The following CACNA1D variants were observed in gnomAD, a reference collection of about 807,000 sequenced individuals.
The protein encoded by CACNA1D is voltage-dependent L-type calcium channel subunit alpha-1D.
In CACNA1D, 55 loss-of-function variants were observed where a neutral mutation model predicts 257.1. The ratio of observed to expected loss-of-function variants is 0.21; its 90% CI spans 0.17 to 0.27. The LOEUF (loss-of-function observed/expected upper bound fraction) is 0.27. CACNA1D is among the 10% of genes least tolerant of loss of function. The probability of loss-of-function intolerance (pLI) is 1.00; values close to 1 mark genes in which losing one functional copy is unlikely to be tolerated. For missense variants in CACNA1D, 1,876 were observed against 2,784.0 expected, an observed-to-expected ratio of 0.67 and a Z score of 7.34; for synonymous variants, 980 against 1,014.9, an observed-to-expected ratio of 0.97 and a Z score of 0.65.
At chr3:53,798,338 CGTGT>C (rs59321196) in intron 40 of CACNA1D, among the ~76,000 whole-genome samples, 9 of 141,724 alleles carry the variant, frequency 6.4e-5, no homozygotes, top group Admixed American at 3.6e-4. Flanking sequence ...CGTGTGTGTG[CGTGT>C]GTGTGTGCAC....
intron 15 of CACNA1D, among the ~76,000 whole-genome samples, 182 bp from the exon 16 acceptor site, chr3:53,730,245 CTTTTGTTTTGTTTTG>C (rs139366806): frequency 1.6e-3 from 239 of 151,288 alleles, no homozygotes; most frequent in Non-Finnish European, 2.3e-3. Context: ...CAGGTTTTTA[CTTTTGTTTTGTTTTG>C]TTTTGTTTTG....
rs1185702220 is a variant in CACNA1D at position 53,660,336 on chromosome 3, C to T, written c.766+61C>T. Reference sequence around the variant, plus strand: ...CTGGTTTTTTCTTCCAGGTGGGTTTCAGAATCACTGGTGCTTTGAGGTGAG... The same window carrying T: ...CTGGTTTTTTCTTCCAGGTGGGTTTTAGAATCACTGGTGCTTTGAGGTGAG... On this transcript the variant is annotated intron_variant, in intron 5 of 47. Transcript: ENST00000350061. 3.2e-6 allele frequency: 5 copies of T among 1,546,510 alleles called. No homozygotes were observed. The African/African-American group carries it at 5.4e-5, about 17-fold the overall frequency.
At chr3:53,546,600 T>C (rs1178101240) in intron 3 of CACNA1D, among the ~76,000 whole-genome samples, 1 of 152,206 alleles carries the variant, frequency 6.6e-6, no homozygotes, top group Admixed American at 6.5e-5. Context: ...GCATTTATAA[T>C]TGGGCATTTC....
At chr3:53,619,691 C>T (rs1404302556) in intron 3 of CACNA1D, among the ~76,000 whole-genome samples, 1 of 152,212 alleles carries the variant, frequency 6.6e-6, no homozygotes, top group African/African-American at 2.4e-5. Context: ...GAAGATCCCT[C>T]AGCAGAACTT....
At chr3:53,699,615 C>G (rs1317726774) in intron 8 of CACNA1D, among the ~76,000 whole-genome samples, 1 of 152,180 alleles carries the variant, frequency 6.6e-6, no homozygotes, top group Admixed American at 6.5e-5. Context: ...CCTCCCTGCC[C>G]CCTTCCTCCA....
At chr3:53,622,809 T>C (rs1272938459) in intron 3 of CACNA1D, among the ~76,000 whole-genome samples, 1 of 152,070 alleles carries the variant, frequency 6.6e-6, no homozygotes, top group Non-Finnish European at 1.5e-5. Context: ...TTATGATATA[T>C]TCATACAATG....
At chr3:53,803,991 C>T (rs571332695) in intron 44 of CACNA1D, among the ~76,000 whole-genome samples, 3 of 152,212 alleles carry the variant, frequency 2.0e-5, no homozygotes, top group Non-Finnish European at 4.4e-5. Context: ...TCATGCACAG[C>T]ACCTGCCTCC....
Position 53,723,720 on chromosome 3 carries a change from TC to T in CACNA1D, c.1892+65del. 6.3e-7 allele frequency: 1 copy of T among 1,589,774 alleles called. No homozygotes were observed. Among genetic ancestry groups the T allele is most frequent in the Middle Eastern group, 1.7e-4 (1 of 6,020 alleles). On this transcript the variant is annotated intron_variant, in intron 13 of 47. Coordinates refer to ENST00000350061, the MANE Select transcript of CACNA1D (RefSeq NM_001128840.3). This position sits in a 1 kb window ranked among gnomAD's most constrained non-coding sequence, Gnocchi z 5.6. ...GAACATGAGGCGGCAACCAGTCACA[TC>T]CCCGGGCAGGTGATGTTCTGCTCTG...
At chr3:53,532,275 T>C (rs999469991) in intron 3 of CACNA1D, among the ~76,000 whole-genome samples, 2 of 152,160 alleles carry the variant, frequency 1.3e-5, no homozygotes, top group African/African-American at 4.8e-5. Flanking sequence ...TGGAAATGAA[T>C]AAGGGAGAGA....
Position 53,544,082 on chromosome 3 carries a change from G to A in CACNA1D, c.483+42362G>A, listed in dbSNP as rs1192868206. Among the ~76,000 whole-genome samples, 3 of 152,072 alleles carry A rather than the reference G, an allele frequency of 2.0e-5. No homozygotes were observed. In the East Asian group the frequency reaches 5.8e-4, roughly 29 times the overall value. ...ATTGCTAATTCATTAAAGACCTTGG[G>A]ACTGAGGACATACAAATCATAATCA... is the stretch of plus-strand genomic sequence containing the variant. On this transcript the variant is annotated intron_variant, in intron 3 of 47. Transcript: ENST00000350061.
At chr3:53,749,946 G>A (rs115489422) in intron 27 of CACNA1D, among the ~76,000 whole-genome samples, 1 of 152,164 alleles carries the variant, frequency 6.6e-6, no homozygotes, top group Non-Finnish European at 1.5e-5. Flanking sequence ...GCTTCCAGCT[G>A]TTAGATGCCA....
rs141476836 is a variant in CACNA1D, at chr3:53,789,141, T to C, written c.4923+2189T>C. ...TGTTGAGGGTTTCTCCTAAACGTTT[T>C]TCATTTTATTGTTTATAGAGTTTCA... On this transcript the variant is annotated intron_variant, in intron 40 of 47. Transcript: ENST00000350061. The surrounding 1 kb of genome is among the most constrained non-coding windows in gnomAD (Gnocchi z 4.2). Among the ~76,000 whole-genome samples the C allele has an allele frequency of 6.7e-3, 1,023 of 152,344 alleles. 3 individuals are homozygous for C. Among genetic ancestry groups the C allele is most frequent in the Non-Finnish European group, 0.011 (743 of 68,038 alleles).
At chr3:53,544,192 A>T (rs1439164111) in intron 3 of CACNA1D, among the ~76,000 whole-genome samples, 4 of 152,192 alleles carry the variant, frequency 2.6e-5, no homozygotes, top group African/African-American at 9.7e-5. Context: ...AGAGAGGGTC[A>T]TCTTGTCCCA....
chr3:53,663,374 G>GT (rs2094224975), intron 5 of CACNA1D, among the ~76,000 whole-genome samples: 1 of 152,180 alleles, frequency 6.6e-6, no homozygotes. Context: ...GAAGGAGAAG[G>GT]TAAGAAGGAA....
chr3:53,503,904 G>T (rs2090709500), intron 3 of CACNA1D, among the ~76,000 whole-genome samples: 1 of 151,926 alleles, frequency 6.6e-6, no homozygotes, highest in Admixed American at 6.6e-5. Context: ...TTTCACTTGG[G>T]TGGTCACATG....
intron 42 of CACNA1D, 37 bp from the exon 43 acceptor site, chr3:53,802,110 T>C: frequency 6.4e-7 from 1 of 1,563,424 alleles, no homozygotes; most frequent in Non-Finnish European, 8.8e-7. Context: ...AACTTTTATC[T>C]TCTCCCTCCT....
At chr3:53,743,906 G>C (rs2095141231) in intron 22 of CACNA1D, among the ~76,000 whole-genome samples, 1 of 152,062 alleles carries the variant, frequency 6.6e-6, no homozygotes. Context: ...ACAGCCCTTT[G>C]TGTTATCCTT....
At chr3:53,503,178 T>G (rs376287770) in intron 3 of CACNA1D, among the ~76,000 whole-genome samples, 2 of 152,334 alleles carry the variant, frequency 1.3e-5, no homozygotes, top group African/African-American at 4.8e-5. Flanking sequence ...ATCTAGAGAA[T>G]TTTCTAAAAA....
chr3:53,735,313 A>G, intron 19 of CACNA1D, 61 bp from the exon 20 acceptor site: 3 of 1,533,608 alleles, frequency 2.0e-6, no homozygotes, highest in Non-Finnish European at 2.7e-6. Flanking sequence ...CCACACTCTT[A>G]AGGACCCAGT....
Sources: gnomAD v4.1 joint callset for allele counts (sites outside exome capture counted in the v4.1 genomes callset) on GRCh38, gnomAD v4.1.1 for gene constraint, Gnocchi (gnomAD v3.1) non-coding constraint, MANE v1.5 for transcripts, NCBI Gene and HGNC (gene_info 2026-07-23, HGNC 2026-07-21) for gene names.